PCDHGB4: variants seen among roughly 807,000 people sequenced by gnomAD.
PCDHGB4 encodes the protein protocadherin gamma subfamily B, 4, also known as protocadherin gamma-B4.
Under a neutral mutation model 60.5 loss-of-function variants are expected in PCDHGB4, and 38 were observed. The ratio of observed to expected loss-of-function variants is 0.63; its 90% CI spans 0.48 to 0.82. The LOEUF is 0.82. PCDHGB4 is among the 40% of genes least tolerant of loss of function. The pLI, the probability that PCDHGB4 is intolerant of heterozygous loss-of-function variation, is 0.00. For missense variants in PCDHGB4, 1,109 were observed against 1,209.6 expected, an observed-to-expected ratio of 0.92 and a Z score of 1.23; for synonymous variants, 456 against 509.7, an observed-to-expected ratio of 0.89 and a Z score of 1.42.
At chr5:141,494,999 G>T in intron 2 of PCDHGB4, 134 bp downstream of exon 2, 1 of 1,531,046 alleles carries the variant, frequency 6.5e-7, no homozygotes, top group Non-Finnish European at 8.8e-7. Context: ...GGGAGGTCTT[G>T]GTGTGCGGGG....
chr5:141,389,045 T>C lies in PCDHGB4; in HGVS notation c.1161T>C (p.Asp387=). The C allele has an allele frequency of 1.9e-6, 3 of 1,613,920 alleles. No homozygotes were observed. Among genetic ancestry groups the C allele is most frequent in the Non-Finnish European group, 2.5e-6 (3 of 1,179,776 alleles). Residue 387 remains aspartate, a synonymous_variant, in exon 1 of 4, where the codon GAT becomes GAC. Transcript: ENST00000519479. ...NGEVTCKLEG[D]VPFKILTSSR... ...AAGTGACTTGTAAATTGGAAGGTGA[T>C]GTTCCATTTAAAATATTAACTTCTT...
At chr5:141,421,578 T>C in intron 1 of PCDHGB4, 4 of 1,613,886 alleles carry the variant, frequency 2.5e-6, no homozygotes, top group Non-Finnish European at 3.4e-6. Flanking sequence ...CCTTGAAGAT[T>C]TACGGAGTGG....
chr5:141,466,947 A>C (rs2099132734), intron 1 of PCDHGB4, among the ~76,000 whole-genome samples: 1 of 152,126 alleles, frequency 6.6e-6, no homozygotes, highest in South Asian at 2.1e-4. Context: ...TGTCCAGTAA[A>C]CAGACTGCAA....
At chr5:141,404,198 T>G in intron 1 of PCDHGB4, 1 of 1,613,554 alleles carries the variant, frequency 6.2e-7, no homozygotes, top group Non-Finnish European at 8.5e-7. Flanking sequence ...AGAAAAAGCC[T>G]CAGAATATAA....
chr5:141,457,809 C>A (rs1404645915), intron 1 of PCDHGB4, among the ~76,000 whole-genome samples: 1 of 152,180 alleles, frequency 6.6e-6, no homozygotes, highest in Non-Finnish European at 1.5e-5. Flanking sequence ...CTCTTGAGGT[C>A]CCAAGATAAA....
At chr5:141,414,623 C>T (rs998923536) in intron 1 of PCDHGB4, 2 of 1,613,820 alleles carry the variant, frequency 1.2e-6, no homozygotes, top group African/African-American at 1.3e-5. Flanking sequence ...GCGCTGGACC[C>T]GGACAGCAAA....
chr5:141,464,970 G>A (rs550643230), intron 1 of PCDHGB4, among the ~76,000 whole-genome samples: 1 of 152,028 alleles, frequency 6.6e-6, no homozygotes, highest in East Asian at 1.9e-4. Flanking sequence ...TTGAACTACT[G>A]GCTTCAAGTG....
At chr5:141,419,253 A>G in intron 1 of PCDHGB4, 4 of 1,613,990 alleles carry the variant, frequency 2.5e-6, no homozygotes, top group South Asian at 1.1e-5. Flanking sequence ...CCAGAAAACA[A>G]CCAGCCGGGT....
At chr5:141,422,209 C>G (rs1463323983) in intron 1 of PCDHGB4, 1 of 1,561,666 alleles carries the variant, frequency 6.4e-7, no homozygotes, top group East Asian at 2.2e-5. Context: ...TGGTGGAGGT[C>G]TCTTTACCAC....
chr5:141,478,352 G>T lies in PCDHGB4; in HGVS notation c.2398-16455G>T, dbSNP rs767743120. 36 of 1,613,674 alleles carry T rather than the reference G, an allele frequency of 2.2e-5. No homozygotes were observed. Among genetic ancestry groups the T allele is most frequent in the Non-Finnish European group, 3.1e-5 (36 of 1,180,016 alleles). On this transcript the variant is annotated intron_variant, in intron 1 of 3. Transcript: ENST00000519479. ...ACCAGGGCCCTCCTTGCACGCGGACGCCGTGCGGGGAGGCCTGATGTCGCC... is the reference window on the plus strand; with the variant it reads ...ACCAGGGCCCTCCTTGCACGCGGACTCCGTGCGGGGAGGCCTGATGTCGCC...
intron 1 of PCDHGB4, chr5:141,426,987 G>C (rs867397302): frequency 1.3e-5 from 6 of 456,602 alleles, no homozygotes; most frequent in African/African-American, 1.2e-4. Context: ...TGATGCCAAC[G>C]ATAATGCCCC....
chr5:141,488,428 C>A (rs1234461104), intron 1 of PCDHGB4, among the ~76,000 whole-genome samples: 1 of 152,186 alleles, frequency 6.6e-6, no homozygotes, highest in Non-Finnish European at 1.5e-5. Context: ...CATGCTTGGC[C>A]TCTGACCACC....
chr5:141,476,666 G>C lies in PCDHGB4; in HGVS notation c.2398-18141G>C, dbSNP rs2099395856. On this transcript the variant is annotated intron_variant, in intron 1 of 3. Coordinates refer to ENST00000519479, the MANE Select transcript of PCDHGB4 (RefSeq NM_003736.4). This position sits in a 1 kb window ranked among gnomAD's most constrained non-coding sequence, Gnocchi z 7.6. The stretch of plus-strand genomic sequence containing the variant: ...CCGAAATGAATACTTTGCGCTTCGC[G>C]TGCAGACGCGGGAGGACAGCACCAA... 6.2e-7 allele frequency: 1 copy of C among 1,614,246 alleles called. No individual in the cohort carries two copies. The highest frequency in any genetic ancestry group is 8.5e-7 in the Non-Finnish European group (1 of 1,180,044).
At chr5:141,410,487 A>G in intron 1 of PCDHGB4, 1 of 1,613,970 alleles carries the variant, frequency 6.2e-7, no homozygotes, top group Non-Finnish European at 8.5e-7. Context: ...ACGGGTACAA[A>G]AGAGTTTAAT....
At chr5:141,448,488 C>A (rs568050769) in intron 1 of PCDHGB4, among the ~76,000 whole-genome samples, 1 of 152,280 alleles carries the variant, frequency 6.6e-6, no homozygotes, top group African/African-American at 2.4e-5. Context: ...TTCCTCCTGT[C>A]CCCTGTAGGT....
intron 1 of PCDHGB4, chr5:141,422,319 TAC>T: frequency 6.5e-7 from 1 of 1,548,220 alleles, no homozygotes; most frequent in Admixed American, 2.1e-5. Flanking sequence ...CTCCTCCAGG[TAC>T]AGTGATTGCT....
In PCDHGB4 at chr5:141,389,705, G is replaced by A. The variant is rs770533850; in HGVS notation, c.1821G>A (p.Leu607=). The A allele has an allele frequency of 1.2e-6, 2 of 1,612,552 alleles. No homozygotes were observed. Among genetic ancestry groups the A allele is most frequent in the Admixed American group, 3.3e-5 (2 of 60,024 alleles). ...ACGCCTGGCTGTCCTACCACGTGCT[G>A]CAGGCTAGCGAGCCCGGGCTCTTCA... ...GHNAWLSYHV[L]QASEPGLFSL... is the part of the protein sequence containing the mutation. Residue 607 remains leucine, a synonymous_variant, in exon 1 of 4, where the codon CTG becomes CTA. Transcript: ENST00000519479.
In PCDHGB4 at chr5:141,408,237, G is replaced by C. The variant is rs1445060280; in HGVS notation, c.2397+17956G>C. 3.2e-6 allele frequency: 5 copies of C among 1,575,002 alleles called. No individual in the cohort carries two copies. In the South Asian group the frequency reaches 4.6e-5, roughly 14 times the overall value. On this transcript the variant is annotated intron_variant, in intron 1 of 3. Transcript: ENST00000519479. ...AGCTGCGCGCAGAGGCGCCGGGCCG[G>C]CCCGCGGCAGGTGCTATTTCCTTTG...
rs2097383894 is a variant in PCDHGB4, at chr5:141,431,489, C to T, written c.2397+41208C>T. On this transcript the variant is annotated intron_variant, in intron 1 of 3. Transcript: ENST00000519479. This position sits in a 1 kb window ranked among gnomAD's most constrained non-coding sequence, Gnocchi z 4.8. ...GAACGACAACGCACCAGCGTTTGCTCAGCCCGAGTACCGCGCGAGCGTTCC... is the reference window on the plus strand; with the variant it reads ...GAACGACAACGCACCAGCGTTTGCTTAGCCCGAGTACCGCGCGAGCGTTCC... The T allele has an allele frequency of 1.2e-6, 2 of 1,613,850 alleles. No homozygotes were observed. The highest frequency in any genetic ancestry group is 3.3e-5 in the Admixed American group (2 of 60,016).
Sources: allele counts gnomAD v4.1 joint callset (sites outside exome capture counted in the v4.1 genomes callset), GRCh38; gene constraint gnomAD v4.1.1; non-coding constraint Gnocchi (gnomAD v3.1); transcripts MANE v1.5; gene names NCBI Gene and HGNC (gene_info 2026-07-23, HGNC 2026-07-21).